MIPOL1: variants seen among roughly 807,000 people sequenced by gnomAD.
The protein encoded by MIPOL1 is mirror-image polydactyly gene 1 protein.
MIPOL1 carries 57 observed loss-of-function variants against 60.9 expected under a neutral mutation model. That is an observed-to-expected ratio of 0.94 (90% CI 0.76 to 1.17). The LOEUF is 1.17. MIPOL1 is among the 50% of genes most tolerant of loss of function. The pLI, the probability that MIPOL1 is intolerant of heterozygous loss-of-function variation, is 0.00. For missense variants in MIPOL1, 551 were observed against 511.6 expected (o/e 1.08, Z -0.74); for synonymous variants, 179 against 168.8 (o/e 1.06, Z -0.47).
chr14:37,515,970 T>G (rs1335201195), intron 12 of MIPOL1, among the ~76,000 whole-genome samples: 1 of 152,136 alleles, frequency 6.6e-6, no homozygotes, highest in African/African-American at 2.4e-5. Context: ...ATTTAACACA[T>G]GGGTGTAAGA....
intron 9 of MIPOL1, among the ~76,000 whole-genome samples, chr14:37,355,465 T>C (rs1190131480): frequency 1.3e-5 from 2 of 151,246 alleles, no homozygotes; most frequent in Non-Finnish European, 2.9e-5. Context: ...CCTTGCTAGA[T>C]TAGGGAAGTT....
At chr14:37,289,843 C>A (rs1446975327) in intron 7 of MIPOL1, among the ~76,000 whole-genome samples, 2 of 152,150 alleles carry the variant, frequency 1.3e-5, no homozygotes, top group African/African-American at 4.8e-5. Context: ...TCATGACCAG[C>A]CTCCATCCAG....
intron 6 of MIPOL1, chr14:37,276,923 G>A (rs923640609): frequency 6.6e-6 from 1 of 151,138 alleles, no homozygotes; most frequent in African/African-American, 2.4e-5. Flanking sequence ...TTTGGCTACA[G>A]AATTCTATGG....
At chr14:37,414,853 A>G (rs1354831348) in intron 10 of MIPOL1, among the ~76,000 whole-genome samples, 1 of 152,128 alleles carries the variant, frequency 6.6e-6, no homozygotes, top group Non-Finnish European at 1.5e-5. Context: ...TTGACTGAGA[A>G]TAGTGTCTTA....
intron 1 of MIPOL1, among the ~76,000 whole-genome samples, chr14:37,210,786 G>A (rs1043974090): frequency 6.6e-6 from 1 of 152,176 alleles, no homozygotes; most frequent in Non-Finnish European, 1.5e-5. Flanking sequence ...AAAGGCAAGC[G>A]AGAGGGCAAT....
At chr14:37,310,290 A>AAT (rs2087205971) in intron 9 of MIPOL1, among the ~76,000 whole-genome samples, 1 of 152,050 alleles carries the variant, frequency 6.6e-6, no homozygotes, top group Non-Finnish European at 1.5e-5. Flanking sequence ...ACCAACTATT[A>AAT]ATATATTCAG....
chr14:37,201,475 T>C (rs905967109), intron 1 of MIPOL1, among the ~76,000 whole-genome samples: 6 of 152,232 alleles, frequency 3.9e-5, no homozygotes, highest in Non-Finnish European at 8.8e-5. Context: ...TAGACAGTTC[T>C]GGATATTTTG....
chr14:37,466,627 G>A (rs1156674180), intron 11 of MIPOL1, among the ~76,000 whole-genome samples: 1 of 152,250 alleles, frequency 6.6e-6, no homozygotes, highest in South Asian at 2.1e-4. Flanking sequence ...TACATGTAGA[G>A]CACTCTACAT....
chr14:37,451,806 C>CTCT, intron 11 of MIPOL1, among the ~76,000 whole-genome samples: 1 of 106,210 alleles, frequency 9.4e-6, no homozygotes, highest in African/African-American at 4.7e-5. Context: ...TGTTTATTCT[C>CTCT]TCTTTTTTTT....
At chr14:37,284,552 C>G (rs1330992139) in intron 6 of MIPOL1, among the ~76,000 whole-genome samples, 1 of 152,022 alleles carries the variant, frequency 6.6e-6, no homozygotes, top group Admixed American at 6.5e-5. Flanking sequence ...ACCATGTTAG[C>G]CGGGATGGTC....
chr14:37,499,927 CAAG>C lies in MIPOL1; in HGVS notation c.1057_1059del (p.Glu353del), dbSNP rs1282339196. 1.3e-6 allele frequency: 2 copies of C among 1,580,640 alleles called. No individual in the cohort carries two copies. Among genetic ancestry groups the C allele is most frequent in the Admixed American group, 3.5e-5 (2 of 56,762 alleles). On this transcript the variant is annotated inframe_deletion, in exon 12 of 13. Coordinates refer to ENST00000684589, the MANE Select transcript of MIPOL1 (RefSeq NM_001388067.1). ...TCTCAGTTTACACAAATCTTTATCTCAAGAAGAAAATCTGAAGGATCAGTTTAA... is the reference window on the plus strand; with the variant it reads ...TCTCAGTTTACACAAATCTTTATCTCAAGAAAATCTGAAGGATCAGTTTAA...
At chr14:37,546,702 T>A (rs1471016394) in intron 12 of MIPOL1, among the ~76,000 whole-genome samples, 2 of 152,158 alleles carry the variant, frequency 1.3e-5, no homozygotes, top group East Asian at 3.9e-4. Context: ...GGATCTGGGT[T>A]AAAGTTTGTG....
At chr14:37,510,290 A>G (rs2095317530) in intron 12 of MIPOL1, among the ~76,000 whole-genome samples, 1 of 152,106 alleles carries the variant, frequency 6.6e-6, no homozygotes, top group Admixed American at 6.6e-5. Context: ...TCTGTTGCCC[A>G]GACTGGAGTA....
chr14:37,247,615 G>A (rs1380441703), intron 2 of MIPOL1, among the ~76,000 whole-genome samples: 2 of 152,012 alleles, frequency 1.3e-5, no homozygotes, highest in Admixed American at 6.6e-5. Flanking sequence ...AACTTAACCT[G>A]AACTGTATAT....
At chr14:37,451,580 A>T (rs2094417086) in intron 11 of MIPOL1, among the ~76,000 whole-genome samples, 2 of 148,240 alleles carry the variant, frequency 1.3e-5, no homozygotes, top group Admixed American at 1.3e-4. Flanking sequence ...GTACATGGAA[A>T]TGGAGCTGAT....
intron 6 of MIPOL1, among the ~76,000 whole-genome samples, chr14:37,271,060 A>T (rs2083269648): frequency 6.6e-6 from 1 of 152,082 alleles, no homozygotes; most frequent in Admixed American, 6.6e-5. Flanking sequence ...AGGTTGCCAA[A>T]CTTTCAGATT....
intron 9 of MIPOL1, among the ~76,000 whole-genome samples, chr14:37,355,710 G>C (rs1465808197): frequency 7.4e-6 from 1 of 134,566 alleles, no homozygotes; most frequent in African/African-American, 2.7e-5. Flanking sequence ...GGCTCCTGAG[G>C]CTTCTGCATT....
intron 6 of MIPOL1, 42 bp downstream of exon 6, chr14:37,270,567 C>A: frequency 9.4e-7 from 1 of 1,063,684 alleles, no homozygotes; most frequent in Non-Finnish European, 1.3e-6. Context: ...AAGAATCACA[C>A]ACAAGGTTAT....
chr14:37,268,905 C>T, intron 5 of MIPOL1, 112 bp downstream of exon 5: 1 of 892,560 alleles, frequency 1.1e-6, no homozygotes. Flanking sequence ...AATCATTTAA[C>T]AGTAGCTTTA....
Sources: gnomAD v4.1 joint callset for allele counts (sites outside exome capture counted in the v4.1 genomes callset) on GRCh38, gnomAD v4.1.1 for gene constraint, MANE v1.5 for transcripts, NCBI Gene and HGNC (gene_info 2026-07-23, HGNC 2026-07-21) for gene names.